Variants in TJP2 observed in about 807,000 individuals in gnomAD.
TJP2 encodes Friedreich ataxia region gene X104 (tight junction protein ZO-2).
Under a neutral mutation model 133.1 loss-of-function variants are expected in TJP2, and 91 were observed. The observed-to-expected ratio is 0.68, with a 90% CI of 0.58 to 0.81. The LOEUF (loss-of-function observed/expected upper bound fraction) is 0.81. Among genes scored for constraint, TJP2 ranks in the 40% least tolerant of loss-of-function variants. TJP2 has a pLI of 0.00. For missense variants in TJP2, 1,541 were observed against 1,565.6 expected (o/e 0.98, Z 0.26); for synonymous variants, 592 against 583.4 (o/e 1.01, Z -0.21).
intron 22 of TJP2, 88 bp from the exon 23 acceptor site, chr9:69,254,121 C>T: frequency 6.9e-7 from 1 of 1,449,666 alleles, no homozygotes; most frequent in Non-Finnish European, 9.7e-7. Context: ...TCGGGATACC[C>T]AGTCACTGTG....
chr9:69,204,923 G>C, intron 1 of TJP2: 1 of 1,249,286 alleles, frequency 8.0e-7, no homozygotes, highest in Non-Finnish European at 1.0e-6. Flanking sequence ...GAGAGGGAGA[G>C]AAAGAAAGCT....
At chr9:69,174,036 C>A, upstream of TJP2, 1 of 1,046,456 alleles carries the variant, frequency 9.6e-7, no homozygotes, top group South Asian at 4.5e-5. Context: ...CCTCCCGCCC[C>A]CGGCCAGGAG....
intron 2 of TJP2, among the ~76,000 whole-genome samples, chr9:69,152,381 G>A (rs1361709936): frequency 6.6e-6 from 1 of 152,166 alleles, no homozygotes; most frequent in Non-Finnish European, 1.5e-5. Flanking sequence ...CTGTTTATAG[G>A]CCAGGCCATG....
intron 5 of TJP2, among the ~76,000 whole-genome samples, chr9:69,223,433 A>G (rs1829071570): frequency 6.6e-6 from 1 of 151,932 alleles, no homozygotes; most frequent in African/African-American, 2.4e-5. Flanking sequence ...TCAGCCTCCC[A>G]AGTAGCTGGG....
At chr9:69,193,797 C>T (rs1826369178) in intron 1 of TJP2, among the ~76,000 whole-genome samples, 1 of 151,444 alleles carries the variant, frequency 6.6e-6, no homozygotes, top group African/African-American at 2.4e-5. Context: ...CAGGAAACCT[C>T]ACCTTTCCCC....
chr9:69,182,408 A>G (rs1398073688), intron 1 of TJP2, among the ~76,000 whole-genome samples: 1 of 152,206 alleles, frequency 6.6e-6, no homozygotes, highest in East Asian at 1.9e-4. Flanking sequence ...TGAAATGAAG[A>G]AGCCCCAAGT....
chr9:69,145,582 A>G, intron 1 of TJP2: 1 of 517,728 alleles, frequency 1.9e-6, no homozygotes, highest in Non-Finnish European at 3.0e-6. Context: ...TGTGTTTAAT[A>G]GATCTAGCTA....
intron 1 of TJP2, among the ~76,000 whole-genome samples, chr9:69,190,795 C>T (rs1438933919): frequency 6.6e-6 from 1 of 152,176 alleles, no homozygotes; most frequent in East Asian, 1.9e-4. Flanking sequence ...TACATATAGC[C>T]AGCTGCGTGT....
chr9:69,183,910 T>A (rs527363738), intron 1 of TJP2, among the ~76,000 whole-genome samples: 35 of 152,098 alleles, frequency 2.3e-4, no homozygotes, highest in Non-Finnish European at 4.9e-4. Flanking sequence ...AATTTTTGTA[T>A]TTTTAGTAGA....
intron 1 of TJP2, among the ~76,000 whole-genome samples, chr9:69,209,493 C>G (rs912071625): frequency 2.0e-5 from 3 of 152,110 alleles, no homozygotes; most frequent in Non-Finnish European, 4.4e-5. Context: ...GTGGCTCACA[C>G]CTGTAATCCC....
Position 69,238,807 on chromosome 9 carries a change from C to G in TJP2, c.2355+18C>G. Reference sequence around the variant, plus strand: ...TTGAACAGGTGAGAAAATTCATCCACAGACCGTGTTTTCAGAAAGAATTAG... The same window carrying G: ...TTGAACAGGTGAGAAAATTCATCCAGAGACCGTGTTTTCAGAAAGAATTAG... On this transcript the variant is annotated intron_variant, in intron 16 of 22. Transcript: ENST00000377245. 6.3e-7 allele frequency: 1 copy of G among 1,588,504 alleles called. No individual in the cohort carries two copies. The highest frequency in any genetic ancestry group is 8.6e-7 in the Non-Finnish European group (1 of 1,157,338).
chr9:69,180,528 G>A (rs745768084), intron 1 of TJP2, among the ~76,000 whole-genome samples: 4 of 152,148 alleles, frequency 2.6e-5, no homozygotes, highest in African/African-American at 7.2e-5. Flanking sequence ...CGAGTTCTAG[G>A]TTGTGTTTCT....
chr9:69,204,734 GGC>G, intron 1 of TJP2: 2 of 740,838 alleles, frequency 2.7e-6, no homozygotes, highest in Non-Finnish European at 3.3e-6. Context: ...ATTTCTAGCT[GGC>G]GTGTGTGTGT....
chr9:69,212,247 T>C lies in TJP2; in HGVS notation c.61-301T>C, dbSNP rs111648575. Among the ~76,000 whole-genome samples the C allele has an allele frequency of 4.9e-3, 753 of 152,200 alleles. 11 individuals are homozygous for C. The highest frequency in any genetic ancestry group is 0.018 in the African/African-American group (730 of 41,528). On this transcript the variant is annotated intron_variant, in intron 1 of 22. Transcript: ENST00000377245. ...TTGAAACTAGATATTTTTAAAGGGGTTTTATGATGATAATGTTTTGGAATA... is the reference window on the plus strand; with the variant it reads ...TTGAAACTAGATATTTTTAAAGGGGCTTTATGATGATAATGTTTTGGAATA...
rs374830612 is a variant in TJP2, at chr9:69,248,042, C to A, written c.2698C>A (p.Arg900Ser). The A allele has an allele frequency of 2.2e-5, 36 of 1,613,020 alleles. No homozygotes were observed. Among genetic ancestry groups the A allele is most frequent in the Non-Finnish European group, 3.0e-5 (35 of 1,179,360 alleles). Residue 900 changes from arginine (R) to serine (S), a missense_variant, in exon 19 of 23, where the codon CGC becomes AGC. Coordinates refer to ENST00000377245, the MANE Select transcript of TJP2 (RefSeq NM_004817.4). ...MEGMDDDPED[R>S]MSYLTAMGAD... The stretch of plus-strand genomic sequence containing the variant: ...AGGGATGGATGATGACCCCGAAGAC[C>A]GCATGTCCTACTTAACCGCCATGGG...
In TJP2 at chr9:69,236,041, C is replaced by T. The variant is rs372476914; in HGVS notation, c.1794C>T (p.Ile598=). The change falls in exon 13 of 23, where the codon ATC becomes ATT. Residue 598 remains isoleucine (I), a synonymous_variant. Transcript: ENST00000377245. Reference sequence around the variant, plus strand: ...TTTGTCTTTCAGTGTATAGAGACATCCTGGCTTGTGGCAGAGGGGATTCGT... The same window carrying T: ...TTTGTCTTTCAGTGTATAGAGACATTCTGGCTTGTGGCAGAGGGGATTCGT... ...AQSRADVYRD[I]LACGRGDSFF... The T allele has an allele frequency of 1.3e-5, 21 of 1,614,094 alleles. No individual in the cohort carries two copies. The highest frequency in any genetic ancestry group is 1.8e-5 in the Non-Finnish European group (21 of 1,180,008).
upstream of TJP2, among the ~76,000 whole-genome samples, chr9:69,172,326 C>T (rs1379865514): frequency 6.6e-6 from 1 of 152,210 alleles, no homozygotes; most frequent in Non-Finnish European, 1.5e-5. Flanking sequence ...ATAAATATTT[C>T]ATCATTTCGA....
intron 1 of TJP2, among the ~76,000 whole-genome samples, chr9:69,126,120 C>A (rs1822291985): frequency 1.3e-5 from 1 of 76,720 alleles, no homozygotes; most frequent in East Asian, 3.9e-4. Flanking sequence ...CCTACCTACT[C>A]ACTCCCCTTC....
At chr9:69,136,057 A>G (rs907336520) in intron 1 of TJP2, among the ~76,000 whole-genome samples, 1 of 152,210 alleles carries the variant, frequency 6.6e-6, no homozygotes, top group South Asian at 2.1e-4. Context: ...CTTTTAGGCT[A>G]TCTCAGAATG....
Sources: allele counts gnomAD v4.1 joint callset (sites outside exome capture counted in the v4.1 genomes callset), GRCh38; gene constraint gnomAD v4.1.1; transcripts MANE v1.5; gene names NCBI Gene and HGNC (gene_info 2026-07-23, HGNC 2026-07-21).